NXPE2: variants seen among roughly 807,000 people sequenced by gnomAD.
The protein encoded by NXPE2 is NXPE family member 2.
A neutral mutation model predicts 34.4 loss-of-function variants in NXPE2; 34 were observed. The observed-to-expected ratio is 0.99, with a 90% CI of 0.75 to 1.31. The LOEUF is 1.31. NXPE2 is among the 40% of genes most tolerant of loss of function. The pLI is 0.00. For missense variants in NXPE2, 649 were observed against 672.5 expected (o/e 0.97, Z 0.39); for synonymous variants, 235 against 231.3 (o/e 1.02, Z -0.15).
chr11:114,744,544 T>A, the NXPE2 span, among the ~76,000 whole-genome samples: 1 of 152,216 alleles, frequency 6.6e-6, no homozygotes, highest in Non-Finnish European at 1.5e-5. Flanking sequence ...CGTGGTGGCT[T>A]ATGCCTTTCA....
chr11:114,761,723 G>A, the NXPE2 span, among the ~76,000 whole-genome samples: 1 of 151,470 alleles, frequency 6.6e-6, no homozygotes, highest in Admixed American at 6.6e-5. Flanking sequence ...ACAGGCGCCC[G>A]CCACCGCGCC....
chr11:114,527,887 A>G, the NXPE2 span: 3 of 1,592,078 alleles, frequency 1.9e-6, no homozygotes, highest in South Asian at 1.1e-5. Context: ...CATCATTTCA[A>G]CTCCCACTTT....
the NXPE2 span, among the ~76,000 whole-genome samples, chr11:114,586,722 C>A: frequency 6.6e-6 from 1 of 152,324 alleles, no homozygotes; most frequent in East Asian, 1.9e-4. Flanking sequence ...CAGCCTCCAA[C>A]AGCCTGATGG....
the NXPE2 span, among the ~76,000 whole-genome samples, chr11:114,547,501 G>A: frequency 6.6e-6 from 1 of 152,190 alleles, no homozygotes; most frequent in Non-Finnish European, 1.5e-5. Context: ...TTGGGAGGCT[G>A]AGGCAGGTTG....
At chr11:114,651,487 T>C in the NXPE2 span, among the ~76,000 whole-genome samples, 2 of 152,190 alleles carry the variant, frequency 1.3e-5, no homozygotes, top group Non-Finnish European at 2.9e-5. Context: ...CAAGATTTAT[T>C]GCAAAGAGCA....
At chr11:114,482,413 T>A in the NXPE2 span, among the ~76,000 whole-genome samples, 1 of 152,214 alleles carries the variant, frequency 6.6e-6, no homozygotes, top group Non-Finnish European at 1.5e-5. Flanking sequence ...CCCTGAGTAC[T>A]CATGAAAGAA....
At chr11:114,493,525 T>A in the NXPE2 span, among the ~76,000 whole-genome samples, 1 of 152,234 alleles carries the variant, frequency 6.6e-6, no homozygotes, top group Non-Finnish European at 1.5e-5. Flanking sequence ...TCAAATAATA[T>A]CTTATAACCC....
the NXPE2 span, among the ~76,000 whole-genome samples, chr11:114,716,240 G>A: frequency 2.6e-5 from 4 of 152,176 alleles, no homozygotes; most frequent in African/African-American, 7.2e-5. Context: ...CTTTATGGAA[G>A]TTTCATCAGC....
chr11:114,698,036 A>G lies in NXPE2; in HGVS notation c.133-9A>G, dbSNP rs1170968718. On this transcript the variant is annotated splice_polypyrimidine_tract_variant and intron_variant, in intron 2 of 5. Transcript: ENST00000389586. ...TGATGATATTTTCTTTTCCCTTTCA[A>G]TATTTCAGTTCTCGTTCAACTTGGA... 1 of 1,469,012 alleles carries G rather than the reference A, an allele frequency of 6.8e-7. No individual in the cohort carries two copies. Among genetic ancestry groups the G allele is most frequent in the East Asian group, 2.5e-5 (1 of 40,358 alleles). 91.0% of individuals were successfully genotyped at this position (1,469,012 alleles called of 1,614,324 possible).
the NXPE2 span, among the ~76,000 whole-genome samples, chr11:114,468,427 T>TGC: frequency 6.6e-6 from 1 of 152,214 alleles, no homozygotes; most frequent in Non-Finnish European, 1.5e-5. Context: ...GTGCAGTGGC[T>TGC]AGTGGCCCAG....
At chr11:114,627,586 T>C in the NXPE2 span, among the ~76,000 whole-genome samples, 4 of 150,954 alleles carry the variant, frequency 2.6e-5, no homozygotes, top group African/African-American at 9.8e-5. Flanking sequence ...TAAAGACCAT[T>C]GAGACTAGGA....
At chr11:114,702,340 AT>A (rs962223011) in intron 3 of NXPE2, among the ~76,000 whole-genome samples, 1 of 126,182 alleles carries the variant, frequency 7.9e-6, no homozygotes, top group African/African-American at 2.5e-5. Context: ...GTAGCATCAA[AT>A]TTTTCTTTGG....
At chr11:114,651,373 TTCGTGGTC>T in the NXPE2 span, among the ~76,000 whole-genome samples, 15 of 152,030 alleles carry the variant, frequency 9.9e-5, no homozygotes, top group Non-Finnish European at 2.1e-4. Flanking sequence ...TCCTGGTGGG[TTCGTGGTC>T]TCGTGGTCTC....
At chr11:114,498,828 G>C in the NXPE2 span, among the ~76,000 whole-genome samples, 1 of 152,066 alleles carries the variant, frequency 6.6e-6, no homozygotes, top group African/African-American at 2.4e-5. Flanking sequence ...TTAATAGTGA[G>C]ATTAGTTTGT....
chr11:114,549,897 TA>T, the NXPE2 span, among the ~76,000 whole-genome samples: 963 of 151,836 alleles, frequency 6.3e-3, 4 homozygotes, highest in African/African-American at 0.011. Flanking sequence ...AAATAATATA[TA>T]AAAAAATAGC....
the NXPE2 span, among the ~76,000 whole-genome samples, chr11:114,630,199 G>C: frequency 6.6e-5 from 10 of 151,744 alleles, no homozygotes; most frequent in Non-Finnish European, 1.0e-4. Flanking sequence ...AACCAAAAAA[G>C]AGCCCTCATC....
the NXPE2 span, chr11:114,528,800 T>C: frequency 1.5e-6 from 1 of 677,610 alleles, no homozygotes; most frequent in Non-Finnish European, 2.7e-6. Context: ...TGGTACCTGA[T>C]TTCCTGCTAT....
At chr11:114,639,195 C>T in the NXPE2 span, among the ~76,000 whole-genome samples, 1 of 151,924 alleles carries the variant, frequency 6.6e-6, no homozygotes, top group Non-Finnish European at 1.5e-5. Flanking sequence ...CCCAGCCTCA[C>T]TGCCGCCTTT....
At chr11:114,488,882 GAC>G in the NXPE2 span, among the ~76,000 whole-genome samples, 23 of 151,910 alleles carry the variant, frequency 1.5e-4, no homozygotes, top group African/African-American at 5.3e-4. Context: ...AGGAGATAGA[GAC>G]ACAAAAAACC....
Sources: allele counts gnomAD v4.1 joint callset (sites outside exome capture counted in the v4.1 genomes callset), GRCh38; gene constraint gnomAD v4.1.1; transcripts MANE v1.5; gene names NCBI Gene and HGNC (gene_info 2026-07-23, HGNC 2026-07-21).